TRPM3: variants seen among roughly 807,000 people sequenced by gnomAD.
The protein encoded by TRPM3 is long transient receptor potential channel 3.
Under a neutral mutation model 181.2 loss-of-function variants are expected in TRPM3, and 77 were observed. The ratio of observed to expected loss-of-function variants is 0.42; its 90% confidence interval spans 0.35 to 0.51. The LOEUF (loss-of-function observed/expected upper bound fraction) is 0.51. TRPM3 is among the 20% of genes least tolerant of loss of function. TRPM3 has a pLI of 0.01. For missense variants in TRPM3, 1,759 were observed against 2,196.7 expected, an observed-to-expected ratio of 0.80 and a Z score of 3.98; for synonymous variants, 745 against 796.4, an observed-to-expected ratio of 0.94 and a Z score of 1.09.
At chr9:71,194,636 G>A (rs2078234615) in intron 1 of TRPM3, among the ~76,000 whole-genome samples, 1 of 151,862 alleles carries the variant, frequency 6.6e-6, no homozygotes, top group East Asian at 1.9e-4. Flanking sequence ...GCAAGTGAGA[G>A]GTGAATTCCT....
chr9:70,700,322 T>C (rs879336117), intron 8 of TRPM3, among the ~76,000 whole-genome samples: 1 of 151,976 alleles, frequency 6.6e-6, no homozygotes. Flanking sequence ...CCAGGATGAT[T>C]TGGGGGAAAG....
At chr9:70,557,213 A>T (rs1040118632) in intron 22 of TRPM3, among the ~76,000 whole-genome samples, 1 of 152,216 alleles carries the variant, frequency 6.6e-6, no homozygotes, top group African/African-American at 2.4e-5. Flanking sequence ...AAGCACTCAC[A>T]TTTGAACTGT....
intron 1 of TRPM3, among the ~76,000 whole-genome samples, chr9:71,227,108 CAAAAAAA>C (rs368727383): frequency 5.0e-5 from 2 of 40,194 alleles, no homozygotes; most frequent in African/African-American, 1.8e-4. Context: ...TACTTCATCT[CAAAAAAA>C]AAAAAAAAAA....
intron 1 of TRPM3, among the ~76,000 whole-genome samples, chr9:71,016,124 G>A (rs1270744572): frequency 3.2e-5 from 4 of 126,268 alleles, no homozygotes; most frequent in African/African-American, 1.2e-4. Flanking sequence ...GAACCCAGGA[G>A]AGGAGACTCC....
intron 1 of TRPM3, chr9:70,917,271 CA>C: frequency 6.7e-7 from 1 of 1,482,906 alleles, no homozygotes; most frequent in Non-Finnish European, 9.4e-7. Flanking sequence ...ACCAATTCAG[CA>C]TAGTCAATTA....
At chr9:71,084,032 T>C (rs1287127759) in intron 1 of TRPM3, among the ~76,000 whole-genome samples, 2 of 151,934 alleles carry the variant, frequency 1.3e-5, no homozygotes, top group African/African-American at 2.4e-5. Context: ...ACTCAGTCTA[T>C]GTGGGAGACA....
intron 1 of TRPM3, among the ~76,000 whole-genome samples, chr9:71,338,859 G>A (rs1467167126): frequency 3.3e-5 from 5 of 152,042 alleles, no homozygotes; most frequent in African/African-American, 4.8e-5. Flanking sequence ...CAAAGATGTC[G>A]AATATTCACC....
In TRPM3 at chr9:71,437,139, T is replaced by C. The variant is rs201923563; in HGVS notation, c.183+9514A>G. Among the ~76,000 whole-genome samples the C allele has an allele frequency of 4.6e-5, 7 of 152,306 alleles. No individual in the cohort carries two copies. In the East Asian group the frequency reaches 1.4e-3, roughly 29 times the overall value. The stretch of plus-strand genomic sequence containing the variant: ...TATTAGCTCAACTTTTTAAAAACTG[T>C]CTCAAACATTTATCTTGACTATTAC... On this transcript the variant is annotated intron_variant, in intron 1 of 24. Transcript: ENST00000357533.
chr9:70,605,345 C>G (rs1217987150), intron 19 of TRPM3, among the ~76,000 whole-genome samples: 1 of 152,142 alleles, frequency 6.6e-6, no homozygotes, highest in South Asian at 2.1e-4. Context: ...AAAAGTCCCT[C>G]ATCTCTTAAA....
intron 1 of TRPM3, among the ~76,000 whole-genome samples, chr9:71,406,389 G>T (rs145861866): frequency 1.3e-5 from 2 of 152,292 alleles, no homozygotes; most frequent in African/African-American, 4.8e-5. Context: ...AGAAAGCTAT[G>T]TTAGGAAGGA....
intron 1 of TRPM3, among the ~76,000 whole-genome samples, chr9:71,218,709 A>C (rs1414997316): frequency 6.6e-6 from 1 of 152,224 alleles, no homozygotes; most frequent in Non-Finnish European, 1.5e-5. Context: ...AATCACTTTC[A>C]CATGGTGATT....
intron 1 of TRPM3, among the ~76,000 whole-genome samples, chr9:70,979,199 G>A (rs955379067): frequency 4.6e-5 from 7 of 152,084 alleles, no homozygotes; most frequent in Admixed American, 1.3e-4. Context: ...TCCTTATCCC[G>A]TTACAACTCT....
intron 1 of TRPM3, among the ~76,000 whole-genome samples, chr9:70,981,100 A>G (rs1275579490): frequency 6.6e-6 from 1 of 152,208 alleles, no homozygotes; most frequent in African/African-American, 2.4e-5. Flanking sequence ...ATTCATTTAT[A>G]GCCTGTGTCA....
intron 1 of TRPM3, among the ~76,000 whole-genome samples, chr9:71,098,779 C>T (rs1226037825): frequency 1.3e-5 from 2 of 152,154 alleles, no homozygotes; most frequent in Non-Finnish European, 2.9e-5. Context: ...ACTCCTCCCC[C>T]TCAAGTGTTC....
chr9:71,165,121 G>A (rs1276597380), intron 1 of TRPM3, among the ~76,000 whole-genome samples: 1 of 152,166 alleles, frequency 6.6e-6, no homozygotes, highest in Non-Finnish European at 1.5e-5. Flanking sequence ...GAGCCAGGCT[G>A]ACTGGGTCCA....
chr9:71,154,454 T>C (rs2075884028), intron 1 of TRPM3, among the ~76,000 whole-genome samples: 1 of 152,094 alleles, frequency 6.6e-6, no homozygotes, highest in African/African-American at 2.4e-5. Context: ...CCTTCACACT[T>C]AAGGGTTCCC....
At chr9:70,578,283 T>C (rs2054592557) in intron 22 of TRPM3, among the ~76,000 whole-genome samples, 2 of 132,692 alleles carry the variant, frequency 1.5e-5, no homozygotes, top group South Asian at 2.5e-4. Context: ...GAGTGCGTCA[T>C]GGTGCTTTTG....
At chr9:70,686,025 A>G (rs1250805448) in intron 8 of TRPM3, among the ~76,000 whole-genome samples, 9 of 151,094 alleles carry the variant, frequency 6.0e-5, no homozygotes, top group Admixed American at 2.0e-4. Flanking sequence ...ATGGTTAGGT[A>G]TATGTGTATA....
intron 24 of TRPM3, 127 bp downstream of exon 24, chr9:70,552,717 C>T: frequency 1.0e-6 from 1 of 954,530 alleles, no homozygotes; most frequent in Non-Finnish European, 1.7e-6. Context: ...CTCTCCAAGC[C>T]TTCAGAGCTG....
Sources: gnomAD v4.1 joint callset for allele counts (sites outside exome capture counted in the v4.1 genomes callset) on GRCh38, gnomAD v4.1.1 for gene constraint, MANE v1.5 for transcripts, NCBI Gene and HGNC (gene_info 2026-07-23, HGNC 2026-07-21) for gene names.